ZNF451: variants seen among roughly 807,000 people sequenced by gnomAD.
ZNF451 encodes E3 SUMO-protein ligase ZNF451.
A neutral mutation model predicts 107.1 loss-of-function variants in ZNF451; 80 were observed. That is an observed-to-expected ratio of 0.75 (90% confidence interval 0.62 to 0.90). ZNF451 has a LOEUF of 0.90. ZNF451 is among the 40% of genes least tolerant of loss of function. ZNF451 has a pLI of 0.00. For missense variants in ZNF451, 1,107 were observed against 1,236.2 expected, an observed-to-expected ratio of 0.90 and a Z score of 1.57; for synonymous variants, 362 against 406.5, an observed-to-expected ratio of 0.89 and a Z score of 1.32.
intron 3 of ZNF451, chr6:57,103,541 C>T (rs1829705772): frequency 2.0e-6 from 2 of 985,320 alleles, no homozygotes; most frequent in South Asian, 4.7e-5. Context: ...GGTATATCAG[C>T]CCTTAGATCC....
chr6:57,147,862 A>G lies in ZNF451; in HGVS notation c.1777A>G (p.Ile593Val), dbSNP rs1832149749. ...CAAGCCTTCATCAGCTATTACTGTT[A>G]TTGATCATTCCCCGGCAAATAGTTC... ...ANKPSSAITVIDHSPANSSPR... is the reference protein window; with the variant it reads ...ANKPSSAITVVDHSPANSSPR... The change falls in exon 10 of 15, where the codon ATT (isoleucine) becomes GTT (valine). Residue 593 changes from isoleucine to valine, a missense_variant. By Grantham distance (29) the Ile-to-Val change is conservative (BLOSUM62 3). Transcript: ENST00000370706. 3 of 1,614,004 alleles carry G rather than the reference A, an allele frequency of 1.9e-6. No homozygotes were observed. Among genetic ancestry groups the G allele is most frequent in the Admixed American group, 3.3e-5 (2 of 60,004 alleles).
chr6:57,104,246 A>G (rs1443113895), intron 3 of ZNF451: 4 of 985,272 alleles, frequency 4.1e-6, no homozygotes, highest in Non-Finnish European at 4.8e-6. Context: ...TTTGTAGCTT[A>G]TGTGTATTGC....
intron 1 of ZNF451, 26 bp downstream of exon 1, chr6:57,090,300 C>A (rs1389046848): frequency 1.2e-6 from 2 of 1,609,736 alleles, no homozygotes; most frequent in Non-Finnish European, 1.7e-6. Flanking sequence ...AGGGTCCTGG[C>A]GTTCTCAGAG....
At chr6:57,120,750 A>G (rs1830600768) in intron 3 of ZNF451, among the ~76,000 whole-genome samples, 1 of 151,908 alleles carries the variant, frequency 6.6e-6, no homozygotes, top group Non-Finnish European at 1.5e-5. Context: ...TCATTTTCTT[A>G]TTGTTCAGTG....
At chr6:57,160,292 C>T (rs1763612810) in intron 13 of ZNF451, among the ~76,000 whole-genome samples, 1 of 151,678 alleles carries the variant, frequency 6.6e-6, no homozygotes, top group South Asian at 2.1e-4. Flanking sequence ...TTTCTCCCCT[C>T]CCCTCCCCTC....
chr6:57,112,826 A>T (rs1372003056), intron 3 of ZNF451, among the ~76,000 whole-genome samples: 1 of 152,234 alleles, frequency 6.6e-6, no homozygotes, highest in East Asian at 1.9e-4. Flanking sequence ...GAAAATATAA[A>T]ATGGAAGCTT....
intron 2 of ZNF451, chr6:57,091,516 G>A (rs1024339632): frequency 1.3e-5 from 2 of 151,738 alleles, no homozygotes; most frequent in Non-Finnish European, 2.9e-5. Flanking sequence ...ATTTCCAGGC[G>A]GGGGCCTAGG....
In ZNF451 at chr6:57,110,295, G is replaced by C. The variant is rs371529075; in HGVS notation, c.186+11154G>C. Among the ~76,000 whole-genome samples, 8 of 152,160 alleles carry C rather than the reference G, an allele frequency of 5.3e-5. No individual in the cohort carries two copies. In the East Asian group the frequency reaches 7.7e-4, roughly 15 times the overall value. The stretch of plus-strand genomic sequence containing the variant: ...ATAAATTATCTGTGAATATGTACTG[G>C]TTCCTACATATTCAAAGTGTGCTAA... On this transcript the variant is annotated intron_variant, in intron 3 of 14. Transcript: ENST00000370706.
chr6:57,157,783 A>G (rs1256379344), intron 13 of ZNF451, among the ~76,000 whole-genome samples: 3 of 152,142 alleles, frequency 2.0e-5, no homozygotes, highest in Non-Finnish European at 2.9e-5. Flanking sequence ...TTTATATTTT[A>G]TTCCCAAATA....
Position 57,148,254 on chromosome 6 carries a change from TTG to T in ZNF451, c.2170_2171del (p.Cys724ProfsTer2), listed in dbSNP as rs1243511592. 6.2e-7 allele frequency: 1 copy of T among 1,614,006 alleles called. No individual in the cohort carries two copies. The highest frequency in any genetic ancestry group is 2.2e-5 in the East Asian group (1 of 44,872). On this transcript the variant is annotated frameshift_variant, in exon 10 of 15. Coordinates refer to ENST00000370706, the MANE Select transcript of ZNF451 (RefSeq NM_001031623.3). LOFTEE classifies it high-confidence loss of function. ...IETSNQLTCG[C>X]RESYICKVNR... ...AGACCAGTAACCAGTTAACTTGTGGTTGCCGTGAGAGTTACATCTGTAAAGTC... is the reference window on the plus strand; with the variant it reads ...AGACCAGTAACCAGTTAACTTGTGGTCCGTGAGAGTTACATCTGTAAAGTC...
At chr6:57,108,369 T>C in intron 3 of ZNF451, 1 of 985,390 alleles carries the variant, frequency 1.0e-6, no homozygotes, top group Non-Finnish European at 1.2e-6. Flanking sequence ...GATGGCTGTG[T>C]TTCACACTAC....
chr6:57,131,815 G>A (rs1336980387), intron 5 of ZNF451, among the ~76,000 whole-genome samples: 1 of 152,156 alleles, frequency 6.6e-6, no homozygotes, highest in Non-Finnish European at 1.5e-5. Context: ...AGTGAAATTA[G>A]TCCACAAGAG....
Position 57,134,854 on chromosome 6 carries a change from A to T in ZNF451, c.686A>T (p.Asp229Val). 6.2e-7 allele frequency: 1 copy of T among 1,607,110 alleles called. No homozygotes were observed. Among genetic ancestry groups the T allele is most frequent in the Non-Finnish European group, 8.5e-7 (1 of 1,175,510 alleles). Residue 229 changes from aspartate (D) to valine (V), a missense_variant, in exon 7 of 15, where the codon GAT becomes GTT. This residue lies in a region of ZNF451 where 339 missense variants were observed against 372.8 expected (regional missense o/e 0.91). Transcript: ENST00000370706. The part of the protein sequence containing the change: ...KKFVTQQQYR[D>V]HLFDKEATDD... ...TTTGTTACTCAACAACAATATAGAG[A>T]TCACCTTTTTGATAAGGTAAGAGCA... is the stretch of plus-strand genomic sequence containing the variant.
chr6:57,150,281 C>G (rs1440599613), intron 10 of ZNF451, among the ~76,000 whole-genome samples: 1 of 152,184 alleles, frequency 6.6e-6, no homozygotes, highest in African/African-American at 2.4e-5. Flanking sequence ...ACTAATAAAT[C>G]AGTCCAGACT....
At chr6:57,143,089 C>T (rs920016909) in intron 9 of ZNF451, among the ~76,000 whole-genome samples, 4 of 151,866 alleles carry the variant, frequency 2.6e-5, no homozygotes, top group Non-Finnish European at 4.4e-5. Context: ...TTGTCAGATT[C>T]GTATCTAGAA....
chr6:57,148,150 C>G lies in ZNF451; in HGVS notation c.2065C>G (p.His689Asp). The G allele has an allele frequency of 6.2e-7, 1 of 1,613,978 alleles. No homozygotes were observed. Among genetic ancestry groups the G allele is most frequent in the Non-Finnish European group, 8.5e-7 (1 of 1,179,944 alleles). The change falls in exon 10 of 15, where the codon CAC becomes GAC. Residue 689 changes from histidine to aspartate, a missense_variant. This residue lies in a region of ZNF451 where 608 missense variants were observed against 649.2 expected (regional missense o/e 0.94). Transcript: ENST00000370706. ...EEAFLSHYEEHHSIDYVFVSE... is the reference protein window; with the variant it reads ...EEAFLSHYEEDHSIDYVFVSE... Reference sequence around the variant, plus strand: ...AGCATTTCTGAGTCATTATGAGGAGCACCACAGCATAGATTATGTATTTGT... The same window carrying G: ...AGCATTTCTGAGTCATTATGAGGAGGACCACAGCATAGATTATGTATTTGT...
chr6:57,115,959 A>G (rs1830347458), intron 3 of ZNF451: 1 of 152,198 alleles, frequency 6.6e-6, no homozygotes, highest in South Asian at 2.1e-4. Context: ...CTTAAAAAAA[A>G]TAATGATTTT....
intron 14 of ZNF451, among the ~76,000 whole-genome samples, chr6:57,167,305 C>G (rs1322803396): frequency 6.6e-6 from 1 of 152,106 alleles, no homozygotes; most frequent in African/African-American, 2.4e-5. Context: ...ATGCATGGGT[C>G]TGTTTCTGAG....
In ZNF451 at chr6:57,163,951, T is replaced by A. The variant is rs548090170; in HGVS notation, c.3139+2799T>A. Among the ~76,000 whole-genome samples, 3 of 152,338 alleles carry A rather than the reference T, an allele frequency of 2.0e-5. No homozygotes were observed. The South Asian group carries it at 6.2e-4, about 32-fold the overall frequency. On this transcript the variant is annotated intron_variant, in intron 14 of 14. Coordinates refer to ENST00000370706, the MANE Select transcript of ZNF451 (RefSeq NM_001031623.3). ...CTCAAAAAAAATTTTAAGCAACCTC[T>A]TAAGTGTCTTTTTATTCCTTCCTTT...
Sources: allele counts gnomAD v4.1 joint callset (sites outside exome capture counted in the v4.1 genomes callset), GRCh38; gene constraint gnomAD v4.1.1; regional missense constraint gnomAD v4.1.1; transcripts MANE v1.5; gene names NCBI Gene and HGNC (gene_info 2026-07-23, HGNC 2026-07-21).